Variants in MARCHF4 observed in about 807,000 individuals in gnomAD.
MARCHF4 encodes membrane associated ring-CH-type finger 4, also known as E3 ubiquitin-protein ligase MARCHF4.
Under a neutral mutation model 43.9 loss-of-function variants are expected in MARCHF4, and 14 were observed. That is an observed-to-expected ratio of 0.32 (90% CI 0.21 to 0.50). The LOEUF is 0.50. MARCHF4 is among the 20% of genes least tolerant of loss of function. The pLI is 0.98. For missense variants in MARCHF4, 468 were observed against 536.7 expected, an observed-to-expected ratio of 0.87 and a Z score of 1.27; for synonymous variants, 226 against 213.3, an observed-to-expected ratio of 1.06 and a Z score of -0.52.
At chr2:216,304,729 G>A (rs72944603) in intron 1 of MARCHF4, among the ~76,000 whole-genome samples, 19,357 of 152,086 alleles carry the variant, frequency 0.13, 1,371 homozygotes, top group South Asian at 0.21. Flanking sequence ...TGAGGTGGGC[G>A]GATCACCTGA....
chr2:216,356,761 T>C (rs1692509265), intron 1 of MARCHF4, among the ~76,000 whole-genome samples: 1 of 152,192 alleles, frequency 6.6e-6, no homozygotes, highest in Non-Finnish European at 1.5e-5. Context: ...AGTGGCTCAC[T>C]TCTGTAATCC....
chr2:216,301,389 C>T (rs1297686907), intron 1 of MARCHF4, among the ~76,000 whole-genome samples: 1 of 152,182 alleles, frequency 6.6e-6, no homozygotes, highest in East Asian at 1.9e-4. Flanking sequence ...GTGCTTCCCC[C>T]AACTTCCATG....
chr2:216,354,949 TTCTTTCTTTCTTTCTTTCTTTCTTTC>T lies in MARCHF4; in HGVS notation c.516+14770_516+14795del, dbSNP rs1692470989. 2.8e-5 allele frequency among the ~76,000 whole-genome samples: 4 copies of T among 144,908 alleles called. No individual in the cohort carries two copies. The South Asian group carries it at 9.1e-4, about 33-fold the overall frequency. ...TTTCTTTCTTTCTTTCTTTCTTTCTTTCTTTCTTTCTTTCTTTCTTTCTTTCTTTCTTTCTTTTTTGAGACAGAGTC... is the reference window on the plus strand; with the variant it reads ...TTTCTTTCTTTCTTTCTTTCTTTCTTTTTCTTTCTTTTTTGAGACAGAGTC... On this transcript the variant is annotated intron_variant, in intron 1 of 3. Coordinates refer to ENST00000273067, the MANE Select transcript of MARCHF4 (RefSeq NM_020814.3).
At chr2:216,355,714 A>G (rs1009057904) in intron 1 of MARCHF4, among the ~76,000 whole-genome samples, 1 of 152,238 alleles carries the variant, frequency 6.6e-6, no homozygotes, top group African/African-American at 2.4e-5. Context: ...CAAGTATTGC[A>G]CAGAATGTCT....
At chr2:216,267,432 C>T (rs901672755) in intron 3 of MARCHF4, among the ~76,000 whole-genome samples, 2 of 152,180 alleles carry the variant, frequency 1.3e-5, no homozygotes, top group African/African-American at 4.8e-5. Flanking sequence ...TTTCTATTAG[C>T]TGGAGGCAAA....
intron 1 of MARCHF4, among the ~76,000 whole-genome samples, chr2:216,360,219 G>C (rs1692555893): frequency 6.6e-6 from 1 of 152,098 alleles, no homozygotes; most frequent in Non-Finnish European, 1.5e-5. Context: ...AATAACTTCA[G>C]TCACTTATAC....
intron 3 of MARCHF4, among the ~76,000 whole-genome samples, chr2:216,261,243 G>T (rs1486928168): frequency 1.3e-5 from 2 of 152,180 alleles, no homozygotes; most frequent in Non-Finnish European, 2.9e-5. Context: ...TGTCAGCAGG[G>T]CACCTTCTGG....
chr2:216,335,742 T>G (rs1174525472), intron 1 of MARCHF4, among the ~76,000 whole-genome samples: 1 of 152,082 alleles, frequency 6.6e-6, no homozygotes, highest in Non-Finnish European at 1.5e-5. Flanking sequence ...ACATTAATGA[T>G]CAATATACAA....
At chr2:216,369,461 CTTCTA>C (rs1277753759) in intron 1 of MARCHF4, among the ~76,000 whole-genome samples, 4 of 152,184 alleles carry the variant, frequency 2.6e-5, no homozygotes, top group Non-Finnish European at 4.4e-5. Flanking sequence ...GTTTCTAGAT[CTTCTA>C]TTCTGAGGAT....
chr2:216,266,144 T>A (rs1280764016), intron 3 of MARCHF4: 1 of 152,206 alleles, frequency 6.6e-6, no homozygotes, highest in Non-Finnish European at 1.5e-5. Context: ...AACTAAGAGT[T>A]AACTTACCAG....
At chr2:216,339,180 A>G (rs1477923913) in intron 1 of MARCHF4, among the ~76,000 whole-genome samples, 4 of 152,156 alleles carry the variant, frequency 2.6e-5, no homozygotes, top group African/African-American at 9.7e-5. Context: ...CTAGTCACCA[A>G]TCCCCCCTTT....
chr2:216,315,042 T>C (rs2105958850), intron 1 of MARCHF4, among the ~76,000 whole-genome samples: 1 of 152,334 alleles, frequency 6.6e-6, no homozygotes, highest in Admixed American at 6.5e-5. Context: ...ATAACTTGAA[T>C]GTCAATATAT....
chr2:216,359,662 T>C (rs1251282691), intron 1 of MARCHF4, among the ~76,000 whole-genome samples: 1 of 152,246 alleles, frequency 6.6e-6, no homozygotes, highest in Non-Finnish European at 1.5e-5. Flanking sequence ...ATCCAGTAGA[T>C]AAGGCACTGA....
chr2:216,287,861 C>T (rs775578558), intron 1 of MARCHF4, among the ~76,000 whole-genome samples: 5 of 152,040 alleles, frequency 3.3e-5, no homozygotes, highest in Non-Finnish European at 5.9e-5. Flanking sequence ...GTCTGTTCAC[C>T]AGCTGTGCAA....
chr2:216,266,374 C>T (rs780196338), intron 3 of MARCHF4, among the ~76,000 whole-genome samples: 13 of 152,134 alleles, frequency 8.5e-5, no homozygotes, highest in Non-Finnish European at 1.2e-4. Flanking sequence ...TATTGATTAT[C>T]GTGGGGGAGA....
chr2:216,319,256 C>A (rs74700397), intron 1 of MARCHF4, among the ~76,000 whole-genome samples: 1 of 152,000 alleles, frequency 6.6e-6, no homozygotes, highest in African/African-American at 2.4e-5. Flanking sequence ...TGCAGTGAGC[C>A]GAAATCGTGC....
chr2:216,281,491 G>T (rs1691127285), intron 2 of MARCHF4, among the ~76,000 whole-genome samples: 1 of 152,330 alleles, frequency 6.6e-6, no homozygotes, highest in Middle Eastern at 3.4e-3. Flanking sequence ...CCCACTTGTG[G>T]TGGGGCCTGC....
intron 1 of MARCHF4, among the ~76,000 whole-genome samples, chr2:216,295,883 C>T (rs1301051024): frequency 6.6e-6 from 1 of 152,244 alleles, no homozygotes; most frequent in Non-Finnish European, 1.5e-5. Flanking sequence ...TGCGGTGGCT[C>T]ACGCCTGTAA....
chr2:216,340,598 C>A (rs1317738385), intron 1 of MARCHF4, among the ~76,000 whole-genome samples: 1 of 152,200 alleles, frequency 6.6e-6, no homozygotes, highest in Non-Finnish European at 1.5e-5. Context: ...ACAGTCTTAG[C>A]CTACCCTTGG....
Sources: allele counts gnomAD v4.1 joint callset (sites outside exome capture counted in the v4.1 genomes callset), GRCh38; gene constraint gnomAD v4.1.1; transcripts MANE v1.5; gene names NCBI Gene and HGNC (gene_info 2026-07-23, HGNC 2026-07-21).